AGBL4: variants seen among roughly 807,000 people sequenced by gnomAD.
The protein encoded by AGBL4 is AGBL carboxypeptidase 4.
In AGBL4, 58 loss-of-function variants were observed where a neutral mutation model predicts 66.4. The observed-to-expected ratio is 0.87, with a 90% confidence interval of 0.71 to 1.09. The LOEUF is 1.09. AGBL4 is among the 50% of genes least tolerant of loss of function. AGBL4 has a pLI of 0.00. For missense variants in AGBL4, 579 were observed against 631.0 expected, an observed-to-expected ratio of 0.92 and a Z score of 0.88; for synonymous variants, 234 against 222.9, an observed-to-expected ratio of 1.05 and a Z score of -0.44.
At chr1:48,693,299 G>T (rs1002261420) in intron 6 of AGBL4, among the ~76,000 whole-genome samples, 1 of 152,130 alleles carries the variant, frequency 6.6e-6, no homozygotes, top group East Asian at 1.9e-4. Flanking sequence ...TATTTAGTCC[G>T]ATCTCACCAT....
chr1:49,694,343 C>T (rs1377627561), intron 3 of AGBL4, among the ~76,000 whole-genome samples: 7 of 152,210 alleles, frequency 4.6e-5, no homozygotes, highest in African/African-American at 1.7e-4. Context: ...AAACAAACAT[C>T]CTGTGAGCTA....
At chr1:49,296,657 G>A (rs925665359) in intron 3 of AGBL4, among the ~76,000 whole-genome samples, 4 of 152,176 alleles carry the variant, frequency 2.6e-5, no homozygotes, top group Admixed American at 2.6e-4. Context: ...ATAGCCCTGT[G>A]AGTTGCCTGT....
At chr1:48,862,969 C>T (rs1647631397) in intron 6 of AGBL4, among the ~76,000 whole-genome samples, 1 of 152,026 alleles carries the variant, frequency 6.6e-6, no homozygotes, top group African/African-American at 2.4e-5. Context: ...AAAGAATGCA[C>T]TTTGGTAAGG....
At chr1:48,549,320 C>T (rs953805745) in intron 11 of AGBL4, among the ~76,000 whole-genome samples, 2 of 152,220 alleles carry the variant, frequency 1.3e-5, no homozygotes, top group African/African-American at 2.4e-5. Flanking sequence ...CCCACAGTGT[C>T]AGACAAGTGC....
intron 3 of AGBL4, among the ~76,000 whole-genome samples, chr1:49,560,544 A>G (rs1232189877): frequency 6.6e-6 from 1 of 152,188 alleles, no homozygotes; most frequent in Non-Finnish European, 1.5e-5. Context: ...AGATATGGGT[A>G]GAAAGTTTAT....
At chr1:48,838,334 A>T (rs1646729121) in intron 6 of AGBL4, among the ~76,000 whole-genome samples, 1 of 152,180 alleles carries the variant, frequency 6.6e-6, no homozygotes, top group South Asian at 2.1e-4. Context: ...ACTAGCATAA[A>T]AACAGACATA....
At chr1:49,625,011 C>A (rs554560602) in intron 3 of AGBL4, among the ~76,000 whole-genome samples, 5 of 151,990 alleles carry the variant, frequency 3.3e-5, no homozygotes, top group African/African-American at 1.2e-4. Flanking sequence ...CTCCTGTGCT[C>A]ACATAGGAGG....
At chr1:49,305,662 C>T (rs1399420356) in intron 3 of AGBL4, among the ~76,000 whole-genome samples, 2 of 151,046 alleles carry the variant, frequency 1.3e-5, no homozygotes, top group Non-Finnish European at 2.9e-5. Context: ...TTTTTTATTA[C>T]TGGTCTCGGA....
chr1:48,557,145 T>C (rs1476394581), intron 11 of AGBL4, among the ~76,000 whole-genome samples: 3 of 152,208 alleles, frequency 2.0e-5, no homozygotes, highest in Non-Finnish European at 4.4e-5. Context: ...CAATGATGTC[T>C]GCTTTGTTCA....
intron 11 of AGBL4, among the ~76,000 whole-genome samples, chr1:48,541,362 T>C (rs12079703): frequency 0.082 from 12,484 of 152,320 alleles, 597 homozygotes; most frequent in South Asian, 0.11. Flanking sequence ...TTCTTTTCAG[T>C]AGCCCCTTCT....
At chr1:49,115,435 A>G (rs1299784187) in intron 4 of AGBL4, among the ~76,000 whole-genome samples, 2 of 152,218 alleles carry the variant, frequency 1.3e-5, no homozygotes, top group East Asian at 3.8e-4. Context: ...TACTACTGTA[A>G]TATCATTGTG....
chr1:49,197,940 C>T (rs1647362147), intron 4 of AGBL4, among the ~76,000 whole-genome samples: 1 of 152,202 alleles, frequency 6.6e-6, no homozygotes, highest in African/African-American at 2.4e-5. Context: ...GATGCTGCTG[C>T]TGCTAGGTCA....
At position 49,566,002 on chromosome 1, in the gene AGBL4, T is replaced by C. The variant is rs183967488; in HGVS notation, c.282+131311A>G. On this transcript the variant is annotated intron_variant, in intron 3 of 13. Coordinates refer to ENST00000371839, the MANE Select transcript of AGBL4 (RefSeq NM_032785.4). The stretch of plus-strand genomic sequence containing the variant: ...TTTCTTGGAGGCTTTGTTCATTTCT[T>C]TTTGTTCTTTTCTCTCTAAACTTCT... Among the ~76,000 whole-genome samples the C allele has an allele frequency of 1.6e-3, 240 of 152,298 alleles. 1 individual carries two copies. Among genetic ancestry groups the C allele is most frequent in the African/African-American group, 4.9e-3 (205 of 41,552 alleles).
chr1:49,189,911 T>C (rs868465439), intron 4 of AGBL4, among the ~76,000 whole-genome samples: 2 of 152,322 alleles, frequency 1.3e-5, no homozygotes, highest in East Asian at 1.9e-4. Flanking sequence ...AAAACCCATA[T>C]TCTTTTCTCT....
chr1:49,151,034 C>T (rs1316319944), intron 4 of AGBL4, among the ~76,000 whole-genome samples: 4 of 151,902 alleles, frequency 2.6e-5, no homozygotes, highest in African/African-American at 7.3e-5. Flanking sequence ...TTTGGGAGGC[C>T]GAGGAGGGTG....
intron 2 of AGBL4, chr1:49,846,412 A>C: frequency 2.0e-6 from 3 of 1,527,388 alleles, no homozygotes; most frequent in African/African-American, 2.7e-5. Context: ...CCCACTCCAC[A>C]TGTGCTGGGG....
At chr1:49,466,566 C>T (rs1407202238) in intron 3 of AGBL4, among the ~76,000 whole-genome samples, 5 of 151,768 alleles carry the variant, frequency 3.3e-5, no homozygotes, top group African/African-American at 1.2e-4. Flanking sequence ...GCCACAATCC[C>T]AGGATGGCCA....
Position 48,644,583 on chromosome 1 carries a change from G to C in AGBL4, c.839+8754C>G, listed in dbSNP as rs376508816. ...AAGAGAGGGAAGAAACAGTTAAAAGGCTTCTCAAGTGGAAGCAGAGTGCCA... is the reference window on the plus strand; with the variant it reads ...AAGAGAGGGAAGAAACAGTTAAAAGCCTTCTCAAGTGGAAGCAGAGTGCCA... On this transcript the variant is annotated intron_variant, in intron 8 of 13. Coordinates refer to ENST00000371839, the MANE Select transcript of AGBL4 (RefSeq NM_032785.4). Among the ~76,000 whole-genome samples the C allele has an allele frequency of 9.2e-5, 14 of 152,266 alleles. 1 individual carries two copies. Among genetic ancestry groups the C allele is most frequent in the African/African-American group, 2.9e-4 (12 of 41,556 alleles).
chr1:48,993,151 G>A (rs141585485), intron 5 of AGBL4, among the ~76,000 whole-genome samples: 2 of 152,176 alleles, frequency 1.3e-5, no homozygotes, highest in Admixed American at 1.3e-4. Flanking sequence ...TGTATGACCT[G>A]ACTATCACTG....
Sources: allele counts gnomAD v4.1 joint callset (sites outside exome capture counted in the v4.1 genomes callset), GRCh38; gene constraint gnomAD v4.1.1; transcripts MANE v1.5; gene names NCBI Gene and HGNC (gene_info 2026-07-23, HGNC 2026-07-21).